SPP1: variants seen among roughly 807,000 people sequenced by gnomAD.
SPP1 encodes the protein secreted phosphoprotein 1.
Under a neutral mutation model 20.8 loss-of-function variants are expected in SPP1, and 18 were observed. That is an observed-to-expected ratio of 0.87 (90% confidence interval 0.60 to 1.29). SPP1 has a LOEUF of 1.29. SPP1 is among the 50% of genes most tolerant of loss of function. The pLI, the probability that SPP1 is intolerant of heterozygous loss-of-function variation, is 0.00. For synonymous variants in SPP1, 146 were observed against 141.5 expected, an observed-to-expected ratio of 1.03 and a Z score of -0.23; for missense variants, 363 against 389.0, an observed-to-expected ratio of 0.93 and a Z score of 0.56.
chr4:87,976,945 T>C lies in SPP1; in HGVS notation c.50T>C (p.Ile17Thr), dbSNP rs758126729. The C allele has an allele frequency of 1.9e-5, 31 of 1,613,602 alleles. No homozygotes were observed. Among genetic ancestry groups the C allele is most frequent in the Non-Finnish European group, 2.6e-5 (31 of 1,179,630 alleles). Residue 17 changes from isoleucine (I) to threonine (T), a missense_variant, in exon 2 of 7, where the codon ATA becomes ACA. Coordinates refer to ENST00000395080, the MANE Select transcript of SPP1 (RefSeq NM_001040058.2). ...CFCLLGITCAIPVKQADSGSS... is the reference protein window; with the variant it reads ...CFCLLGITCATPVKQADSGSS... ...TGCCTCCTAGGCATCACCTGTGCCA[T>C]ACCAGTGAGTACAGTTGCATCTTAA...
intron 3 of SPP1, 106 bp from the exon 4 acceptor site, chr4:87,979,940 C>T (rs1725576377): frequency 1.5e-5 from 16 of 1,092,276 alleles, no homozygotes; most frequent in Non-Finnish European, 2.1e-5. Flanking sequence ...ACCTAAGGGT[C>T]CGGGTGACTA....
At position 87,982,859 on chromosome 4, in the gene SPP1, CT is replaced by C. The variant is rs760416407; in HGVS notation, c.909del (p.His304MetfsTer3). 8.7e-5 allele frequency: 140 copies of C among 1,613,838 alleles called. No individual in the cohort carries two copies. The highest frequency in any genetic ancestry group is 1.2e-4 in the Non-Finnish European group (138 of 1,179,984). The stretch of plus-strand genomic sequence containing the variant: ...GATAAACACCTGAAATTTCGTATTT[CT>C]CATGAATTAGATAGTGCATCTTCTG... ...EEDKHLKFRI[S>X]HELDSASSEV... On this transcript the variant is annotated frameshift_variant, in exon 7 of 7. Transcript: ENST00000395080. LOFTEE classifies it high-confidence loss of function.
chr4:87,982,019 T>A (rs771949828), intron 6 of SPP1, among the ~76,000 whole-genome samples: 3 of 152,174 alleles, frequency 2.0e-5, no homozygotes, highest in South Asian at 2.1e-4. Context: ...AACACAATTC[T>A]ACTTTTTGAA....
chr4:87,979,983 G>A (rs1725577997), intron 3 of SPP1, 63 bp from the exon 4 acceptor site: 2 of 1,516,514 alleles, frequency 1.3e-6, no homozygotes, highest in South Asian at 1.1e-5. Context: ...AAGAATGGTT[G>A]TTTTTTCCAT....
chr4:87,981,535 G>A lies in SPP1; in HGVS notation c.277G>A (p.Asp93Asn), dbSNP rs146832280. ...CATGGATGATATGGATGATGAAGAT[G>A]ATGATGACCATGTGGACAGCCAGGA... ...DHMDDMDDED[D>N]DDHVDSQDSI... The change falls in exon 6 of 7, where the codon GAT (aspartate) becomes AAT (asparagine). Residue 93 changes from aspartate (D) to asparagine (N), a missense_variant. By Grantham distance (23) the Asp-to-Asn change is conservative. Transcript: ENST00000395080. 4.3e-6 allele frequency: 7 copies of A among 1,613,734 alleles called. No homozygotes were observed. In the African/African-American group the frequency reaches 9.4e-5, roughly 22 times the overall value.
chr4:87,981,573 G>A lies in SPP1; in HGVS notation c.315G>A (p.Ser105=), dbSNP rs6812524. The A allele has an allele frequency of 0.012, 19,083 of 1,613,576 alleles. 1,816 individuals are homozygous for A. In the African/African-American group the frequency reaches 0.22, roughly 18 times the overall value. ...DHVDSQDSID[S]NDSDDVDDTD... Reference sequence around the variant, plus strand: ...TGGACAGCCAGGACTCCATTGACTCGAACGACTCTGATGATGTAGATGACA... The same window carrying A: ...TGGACAGCCAGGACTCCATTGACTCAAACGACTCTGATGATGTAGATGACA... The change falls in exon 6 of 7, where the codon TCG becomes TCA. Residue 105 remains serine, a synonymous_variant. Transcript: ENST00000395080.
At chr4:87,976,411 C>T (rs543797899) in intron 1 of SPP1, among the ~76,000 whole-genome samples, 2 of 152,124 alleles carry the variant, frequency 1.3e-5, no homozygotes, top group Non-Finnish European at 2.9e-5. Flanking sequence ...ACCTAAGTAG[C>T]ACCTACTTGA....
Position 87,982,570 on chromosome 4 carries a change from G to A in SPP1, c.619G>A (p.Val207Ile), listed in dbSNP as rs753015454. The change falls in exon 7 of 7, where the codon GTT becomes ATT. Residue 207 changes from valine to isoleucine, a missense_variant. Physicochemically the swap from Val to Ile is conservative, Grantham distance 29. Coordinates refer to ENST00000395080, the MANE Select transcript of SPP1 (RefSeq NM_001040058.2). ...ELNGAYKAIP[V>I]AQDLNAPSDW... Reference sequence around the variant, plus strand: ...GAATGGTGCATACAAGGCCATCCCCGTTGCCCAGGACCTGAACGCGCCTTC... The same window carrying A: ...GAATGGTGCATACAAGGCCATCCCCATTGCCCAGGACCTGAACGCGCCTTC... The A allele has an allele frequency of 1.6e-5, 26 of 1,613,948 alleles. No homozygotes were observed. The highest frequency in any genetic ancestry group is 5.3e-5 in the African/African-American group (4 of 74,884).
rs199739149 is a variant in SPP1 at position 87,981,685 on chromosome 4, A to G, written c.427A>G (p.Thr143Ala). ...TGATTTTCCCACGGACCTGCCAGCA[A>G]CCGAAGTTTTCACTCCAGTTGTCCC... ...VTDFPTDLPA[T>A]EVFTPVVPTV... The change falls in exon 6 of 7, where the codon ACC (threonine) becomes GCC (alanine). Residue 143 changes from threonine (T) to alanine (A), a missense_variant. Physicochemically the swap from Thr to Ala is moderately conservative, Grantham distance 58. Coordinates refer to ENST00000395080, the MANE Select transcript of SPP1 (RefSeq NM_001040058.2). 3.7e-6 allele frequency: 6 copies of G among 1,614,074 alleles called. No homozygotes were observed. The Admixed American group carries it at 1.0e-4, about 27-fold the overall frequency.
At chr4:87,976,657 A>G (rs1266524371) in intron 1 of SPP1, among the ~76,000 whole-genome samples, 1 of 152,202 alleles carries the variant, frequency 6.6e-6, no homozygotes, top group Admixed American at 6.5e-5. Flanking sequence ...GACTTGCAAA[A>G]TTTCCCTTTC....
intron 2 of SPP1, 30 bp from the exon 3 acceptor site, chr4:87,977,029 T>C: frequency 6.2e-7 from 1 of 1,613,958 alleles, no homozygotes; most frequent in Non-Finnish European, 8.5e-7. Context: ...GACATTCTTG[T>C]AATCTTTCTT....
chr4:87,981,373 G>C, intron 5 of SPP1, 102 bp from the exon 6 acceptor site: 1 of 1,108,760 alleles, frequency 9.0e-7, no homozygotes, highest in Non-Finnish European at 1.3e-6. Context: ...CAAAGATTCT[G>C]AAACTAAATA....
At chr4:87,977,647 T>A (rs995444110) in intron 3 of SPP1, 1 of 1,126,482 alleles carries the variant, frequency 8.9e-7, no homozygotes, top group Admixed American at 4.4e-5. Context: ...CTCTTTATTA[T>A]AATTATTTGA....
chr4:87,982,536 C>A lies in SPP1; in HGVS notation c.585C>A (p.Ser195Arg), dbSNP rs555643089. The change falls in exon 7 of 7, where the codon AGC becomes AGA. Residue 195 changes from serine (S) to arginine (R), a missense_variant. Ser to Arg is a moderately radical substitution (Grantham distance 110). Transcript: ENST00000395080. ...AGGACATCACCTCACACATGGAAAGCGAGGAGTTGAATGGTGCATACAAGG... is the reference window on the plus strand; with the variant it reads ...AGGACATCACCTCACACATGGAAAGAGAGGAGTTGAATGGTGCATACAAGG... ...TDEDITSHME[S>R]EELNGAYKAI... is the part of the protein sequence containing the mutation. The A allele has an allele frequency of 6.2e-7, 1 of 1,614,056 alleles. No individual in the cohort carries two copies. Among genetic ancestry groups the A allele is most frequent in the Admixed American group, 1.7e-5 (1 of 60,006 alleles).
rs548632224 is a variant in SPP1, at chr4:87,981,577, G to A, written c.319G>A (p.Asp107Asn). ...CAGCCAGGACTCCATTGACTCGAACGACTCTGATGATGTAGATGACACTGA... is the reference window on the plus strand; with the variant it reads ...CAGCCAGGACTCCATTGACTCGAACAACTCTGATGATGTAGATGACACTGA... The part of the protein sequence containing the change: ...VDSQDSIDSN[D>N]SDDVDDTDDS... The change falls in exon 6 of 7, where the codon GAC (aspartate) becomes AAC (asparagine). Residue 107 changes from aspartate (D) to asparagine (N), a missense_variant. Physicochemically the swap from Asp to Asn is conservative, Grantham distance 23. Transcript: ENST00000395080. The A allele has an allele frequency of 1.2e-5, 20 of 1,614,096 alleles. No homozygotes were observed. Among genetic ancestry groups the A allele is most frequent in the Admixed American group, 8.3e-5 (5 of 60,024 alleles).
At position 87,981,603 on chromosome 4, in the gene SPP1, T is replaced by A. The variant is rs201621358; in HGVS notation, c.345T>A (p.Asp115Glu). 14 of 1,614,232 alleles carry A rather than the reference T, an allele frequency of 8.7e-6. No homozygotes were observed. The East Asian group carries it at 3.1e-4, about 36-fold the overall frequency. Residue 115 changes from aspartate to glutamate, a missense_variant, in exon 6 of 7, where the codon GAT becomes GAA. Physicochemically the swap from Asp to Glu is conservative, Grantham distance 45. Transcript: ENST00000395080. ...SNDSDDVDDT[D>E]DSHQSDESHH... ...ACTCTGATGATGTAGATGACACTGA[T>A]GATTCTCACCAGTCTGATGAGTCTC...
rs779398016 is a variant in SPP1, at chr4:87,981,499, A to G, written c.241A>G (p.Ser81Gly). Residue 81 changes from serine (S) to glycine (G), a missense_variant, in exon 6 of 7, where the codon AGC (serine) becomes GGC (glycine). Coordinates refer to ENST00000395080, the MANE Select transcript of SPP1 (RefSeq NM_001040058.2). Reference protein sequence around the residue: ...QETLPSKSNESHDHMDDMDDE... With the variant: ...QETLPSKSNEGHDHMDDMDDE... ...GACCCTTCCAAGTAAGTCCAACGAA[A>G]GCCATGACCACATGGATGATATGGA... 1 of 1,614,150 alleles carries G rather than the reference A, an allele frequency of 6.2e-7. No individual in the cohort carries two copies. Among genetic ancestry groups the G allele is most frequent in the South Asian group, 1.1e-5 (1 of 91,060 alleles).
intron 3 of SPP1, chr4:87,978,136 G>C (rs968738797): frequency 6.4e-6 from 1 of 155,982 alleles, no homozygotes; most frequent in African/African-American, 2.4e-5. Context: ...AAAAATTGGG[G>C]AAGTCTCTAA....
intron 5 of SPP1, among the ~76,000 whole-genome samples, chr4:87,980,853 T>C (rs938929792): frequency 7.9e-5 from 12 of 152,204 alleles, no homozygotes; most frequent in Non-Finnish European, 1.6e-4. Context: ...AAATTTATTT[T>C]CCTTAAGATT....
Sources: allele counts gnomAD v4.1 joint callset (sites outside exome capture counted in the v4.1 genomes callset), GRCh38; gene constraint gnomAD v4.1.1; transcripts MANE v1.5; gene names NCBI Gene and HGNC (gene_info 2026-07-23, HGNC 2026-07-21).